Variants in CRKL observed in about 807,000 individuals in gnomAD.
The protein encoded by CRKL is crk-like protein.
CRKL carries 3 observed loss-of-function variants against 23.0 expected under a neutral mutation model. The ratio of observed to expected loss-of-function variants is 0.13; its 90% CI spans 0.06 to 0.34. CRKL has a LOEUF of 0.34. Ranked by LOEUF, CRKL falls within the 10% of genes least tolerant of loss-of-function variation. The pLI is 1.00. For missense variants in CRKL, 256 were observed against 394.5 expected (o/e 0.65, Z 2.97); for synonymous variants, 188 against 160.7 (o/e 1.17, Z -1.28).
At chr22:20,943,912 A>G (rs1921963892) in intron 2 of CRKL, among the ~76,000 whole-genome samples, 1 of 152,168 alleles carries the variant, frequency 6.6e-6, no homozygotes, top group Non-Finnish European at 1.5e-5. Context: ...GTCTCTCCAT[A>G]TGCCAGCACC....
At position 20,951,632 on chromosome 22, in the gene CRKL, C is replaced by G. The variant is rs1448848706; in HGVS notation, c.*1787C>G. ...TACTGAGTAGCTTTCATTTACTGAT[C>G]ATCTGCTGTGACTGTGGCCCTGTCT... is the stretch of plus-strand genomic sequence containing the variant. On this transcript the variant is annotated 3_prime_UTR_variant, in exon 3 of 3. Transcript: ENST00000354336. The G allele has an allele frequency of 8.9e-6, 2 of 225,126 alleles. No individual in the cohort carries two copies. Among genetic ancestry groups the G allele is most frequent in the Non-Finnish European group, 1.8e-5 (2 of 113,126 alleles). The allele number at this position is 225,126 out of a possible 1,614,324, so 13.9% of individuals were successfully genotyped here.
At chr22:20,921,608 C>T (rs760195618) in intron 1 of CRKL, among the ~76,000 whole-genome samples, 2 of 152,110 alleles carry the variant, frequency 1.3e-5, no homozygotes, top group Non-Finnish European at 2.9e-5. Context: ...AAGGCTTGGC[C>T]TGAGAGGAGG....
intron 2 of CRKL, among the ~76,000 whole-genome samples, chr22:20,936,693 G>A (rs1484333329): frequency 6.6e-6 from 1 of 151,906 alleles, no homozygotes; most frequent in Non-Finnish European, 1.5e-5. Flanking sequence ...TGAATGAACT[G>A]CACCTGAAGG....
At chr22:20,935,659 G>A (rs1032304456) in intron 2 of CRKL, among the ~76,000 whole-genome samples, 1 of 151,086 alleles carries the variant, frequency 6.6e-6, no homozygotes, top group African/African-American at 2.4e-5. Context: ...CCCGAGTAGC[G>A]GGGCTACAGG....
rs190218249 is a variant in CRKL at position 20,935,874 on chromosome 22, G to T, written c.777+1630G>T. Among the ~76,000 whole-genome samples, 321 of 152,232 alleles carry T rather than the reference G, an allele frequency of 2.1e-3. 1 individual carries two copies. Among genetic ancestry groups the T allele is most frequent in the African/African-American group, 7.3e-3 (305 of 41,550 alleles). On this transcript the variant is annotated intron_variant, in intron 2 of 2. Coordinates refer to ENST00000354336, the MANE Select transcript of CRKL (RefSeq NM_005207.4). ...TACTTTTTAAAAAAACTCTTTCTCA[G>T]CTGGGCACAGTGGCTCATGCCTGTA...
Position 20,949,970 on chromosome 22 carries a change from G to A in CRKL, c.*125G>A. ...GCCGAAGTCCAGCTTTCTGCAGACT[G>A]GCAGTCGCACACACATTTGGAATGC... On this transcript the variant is annotated 3_prime_UTR_variant, in exon 3 of 3. Transcript: ENST00000354336. 1.5e-6 allele frequency: 2 copies of A among 1,292,058 alleles called. No individual in the cohort carries two copies. The highest frequency in any genetic ancestry group is 4.9e-5 in the East Asian group (2 of 40,792). 80.0% of individuals were successfully genotyped at this position (1,292,058 alleles called of 1,614,324 possible).
At chr22:20,927,476 G>A (rs1311868008) in intron 1 of CRKL, among the ~76,000 whole-genome samples, 1 of 147,628 alleles carries the variant, frequency 6.8e-6, no homozygotes, top group East Asian at 2.1e-4. Flanking sequence ...ACAGGCATGA[G>A]CCAGTCACCA....
In CRKL at chr22:20,949,840, G is replaced by C. The variant is rs1736623194; in HGVS notation, c.907G>C (p.Glu303Gln). ...IFDPQNPDEN[E>Q] ...TGACCCTCAAAACCCAGATGAAAACGAGTGATTGCTGTTGCCCTGTTTCCT... is the reference window on the plus strand; with the variant it reads ...TGACCCTCAAAACCCAGATGAAAACCAGTGATTGCTGTTGCCCTGTTTCCT... Residue 303 changes from glutamate (E) to glutamine (Q), a missense_variant, in exon 3 of 3, where the codon GAG becomes CAG. By Grantham distance (29) the Glu-to-Gln change is conservative. This residue lies in a region of CRKL where 129 missense variants were observed against 222.1 expected (regional missense o/e 0.58). Coordinates refer to ENST00000354336, the MANE Select transcript of CRKL (RefSeq NM_005207.4). 2 of 1,607,156 alleles carry C rather than the reference G, an allele frequency of 1.2e-6. No homozygotes were observed. The highest frequency in any genetic ancestry group is 1.7e-6 in the Non-Finnish European group (2 of 1,177,414).
intron 2 of CRKL, among the ~76,000 whole-genome samples, chr22:20,945,385 T>C (rs1236007861): frequency 6.6e-6 from 1 of 151,826 alleles, no homozygotes; most frequent in Non-Finnish European, 1.5e-5. Context: ...GCTGAATTTG[T>C]ATCTTTTCTT....
rs757082169 is a variant in CRKL at position 20,918,264 on chromosome 22, C to T, written c.311+19C>T. ...CGCCCAGGTACGCGAGAGCCCTCCC[C>T]GACCGCGGAGGAAGGTCGAGAACCG... is the stretch of plus-strand genomic sequence containing the variant. On this transcript the variant is annotated intron_variant, in intron 1 of 2. Coordinates refer to ENST00000354336, the MANE Select transcript of CRKL (RefSeq NM_005207.4). The T allele has an allele frequency of 1.2e-6, 2 of 1,610,844 alleles. No homozygotes were observed. The highest frequency in any genetic ancestry group is 1.7e-6 in the Non-Finnish European group (2 of 1,178,966).
chr22:20,935,356 G>C (rs1005391684), intron 2 of CRKL, among the ~76,000 whole-genome samples: 1 of 150,048 alleles, frequency 6.7e-6, no homozygotes, highest in Non-Finnish European at 1.5e-5. Flanking sequence ...CAGGCGATCT[G>C]CCTGCCTTGG....
rs532930393 is a variant in CRKL, at chr22:20,927,192, A to ATTTTTTTTTTTTTTTTTTTTTTTTTTTT, written c.312-6569_312-6568insTTTTTTTTTTTTTTTTTTTTTTTTTTTT. On this transcript the variant is annotated intron_variant, in intron 1 of 2. Transcript: ENST00000354336. The stretch of plus-strand genomic sequence containing the variant: ...AGTACTTAGCTCATCTTGGAATTGA[A>ATTTTTTTTTTTTTTTTTTTTTTTTTTTT]TTTTTTTTTTTTTTTTTTGAGACAG... 1.8e-3 allele frequency among the ~76,000 whole-genome samples: 150 copies of ATTTTTTTTTTTTTTTTTTTTTTTTTTTT among 81,956 alleles called. 13 individuals carry two copies. The highest frequency in any genetic ancestry group is 2.4e-3 in the Non-Finnish European group (119 of 49,758). 53.8% of individuals were successfully genotyped at this position (81,956 alleles called of 152,430 possible).
At chr22:20,939,185 G>A (rs1181654145) in intron 2 of CRKL, among the ~76,000 whole-genome samples, 2 of 148,886 alleles carry the variant, frequency 1.3e-5, no homozygotes, top group African/African-American at 5.0e-5. Flanking sequence ...ATACAGTAGT[G>A]AACAAAACAA....
chr22:20,927,134 A>G (rs1249626238), intron 1 of CRKL, among the ~76,000 whole-genome samples: 2 of 136,806 alleles, frequency 1.5e-5, no homozygotes, highest in Non-Finnish European at 3.2e-5. Flanking sequence ...AAAAAAAAAA[A>G]AAGAATGGTG....
intron 2 of CRKL, among the ~76,000 whole-genome samples, chr22:20,941,268 T>C (rs527881218): frequency 3.9e-5 from 6 of 152,124 alleles, no homozygotes; most frequent in African/African-American, 1.4e-4. Flanking sequence ...GGTGTGTGGA[T>C]GTCTGGTGCC....
At chr22:20,928,017 G>A (rs1024757671) in intron 1 of CRKL, among the ~76,000 whole-genome samples, 18 of 151,558 alleles carry the variant, frequency 1.2e-4, no homozygotes, top group African/African-American at 3.9e-4. Context: ...AAATTAGCCC[G>A]GCAGTAGTGG....
chr22:20,946,375 A>G (rs566587060), intron 2 of CRKL, among the ~76,000 whole-genome samples: 2 of 152,152 alleles, frequency 1.3e-5, no homozygotes, highest in Non-Finnish European at 2.9e-5. Flanking sequence ...GGTAGACATA[A>G]AAGGGCTGAC....
chr22:20,950,436 C>A lies in CRKL; in HGVS notation c.*591C>A, dbSNP rs190588920. Reference sequence around the variant, plus strand: ...TTTGTTTTGTTTTGTTTTTTTGAGACGGTGTCTCGCTGCATCACCCAGGCT... The same window carrying A: ...TTTGTTTTGTTTTGTTTTTTTGAGAAGGTGTCTCGCTGCATCACCCAGGCT... On this transcript the variant is annotated 3_prime_UTR_variant, in exon 3 of 3. Coordinates refer to ENST00000354336, the MANE Select transcript of CRKL (RefSeq NM_005207.4). 2 of 228,398 alleles carry A rather than the reference C, an allele frequency of 8.8e-6. No individual in the cohort carries two copies. Among genetic ancestry groups the A allele is most frequent in the Non-Finnish European group, 1.7e-5 (2 of 115,636 alleles). The allele number at this position is 228,398 out of a possible 1,614,324, so 14.1% of individuals were successfully genotyped here.
chr22:20,939,051 CT>C (rs993005669), intron 2 of CRKL, among the ~76,000 whole-genome samples: 1 of 152,096 alleles, frequency 6.6e-6, no homozygotes, highest in African/African-American at 2.4e-5. Context: ...TTTCCCTGTG[CT>C]TTTAGCCCTC....
Sources: gnomAD v4.1 joint callset for allele counts (sites outside exome capture counted in the v4.1 genomes callset) on GRCh38, gnomAD v4.1.1 for gene constraint, gnomAD v4.1.1 regional missense constraint, MANE v1.5 for transcripts, NCBI Gene and HGNC (gene_info 2026-07-23, HGNC 2026-07-21) for gene names.